RAC1: variants seen among roughly 807,000 people sequenced by gnomAD.
The protein encoded by RAC1 is ras-related C3 botulinum toxin substrate 1.
Under a neutral mutation model 25.2 loss-of-function variants are expected in RAC1, and 2 were observed. The ratio of observed to expected loss-of-function variants is 0.08; its 90% CI spans 0.03 to 0.25. The LOEUF (loss-of-function observed/expected upper bound fraction) is 0.25. RAC1 is among the 10% of genes least tolerant of loss of function. The probability of loss-of-function intolerance (pLI) is 1.00; values close to 1 mark genes in which losing one functional copy is unlikely to be tolerated. For missense variants in RAC1, 50 were observed against 235.7 expected, an observed-to-expected ratio of 0.21 and a Z score of 5.16; for synonymous variants, 88 against 94.0, an observed-to-expected ratio of 0.94 and a Z score of 0.37.
At chr7:6,397,679 G>C (rs1424408096) in intron 3 of RAC1, among the ~76,000 whole-genome samples, 1 of 152,150 alleles carries the variant, frequency 6.6e-6, no homozygotes, top group African/African-American at 2.4e-5. Flanking sequence ...ATAAACACTG[G>C]AAGTGTCACT....
At chr7:6,377,971 A>G (rs1316803492) in intron 1 of RAC1, among the ~76,000 whole-genome samples, 1 of 152,094 alleles carries the variant, frequency 6.6e-6, no homozygotes, top group Admixed American at 6.6e-5. Flanking sequence ...TGCCTGGACC[A>G]TGGCAGTGTC....
intron 2 of RAC1, among the ~76,000 whole-genome samples, chr7:6,390,548 C>T (rs1342664026): frequency 1.3e-5 from 2 of 150,910 alleles, no homozygotes; most frequent in East Asian, 2.0e-4. Flanking sequence ...TGCAGTGAGC[C>T]GAGATCGCAC....
intron 2 of RAC1, chr7:6,391,372 T>C (rs1783088355): frequency 1.3e-5 from 2 of 153,370 alleles, no homozygotes; most frequent in African/African-American, 4.8e-5. Context: ...CCTGACTAAT[T>C]TGTGTAGCAA....
At chr7:6,381,306 G>A (rs1221446335) in intron 1 of RAC1, among the ~76,000 whole-genome samples, 1 of 151,876 alleles carries the variant, frequency 6.6e-6, no homozygotes, top group Non-Finnish European at 1.5e-5. Flanking sequence ...CTTCAGCTCA[G>A]TTGTACATAG....
At chr7:6,391,888 A>G in intron 2 of RAC1, 36 bp from the exon 3 acceptor site, 1 of 1,613,730 alleles carries the variant, frequency 6.2e-7, no homozygotes, top group Non-Finnish European at 8.5e-7. Flanking sequence ...CTTAGCTTCT[A>G]CACCTGTGAC....
chr7:6,399,072 C>G (rs377441056), intron 3 of RAC1, among the ~76,000 whole-genome samples: 8 of 151,972 alleles, frequency 5.3e-5, no homozygotes, highest in African/African-American at 1.7e-4. Flanking sequence ...CCGGGGCCTT[C>G]TTTCTCCGCT....
chr7:6,396,095 G>C (rs190673975), intron 3 of RAC1, among the ~76,000 whole-genome samples: 1 of 152,172 alleles, frequency 6.6e-6, no homozygotes. Flanking sequence ...TAACAGGCAC[G>C]CGGGAGTCTG....
intron 3 of RAC1, among the ~76,000 whole-genome samples, chr7:6,393,541 C>T (rs1291407311): frequency 6.6e-6 from 1 of 152,122 alleles, no homozygotes; most frequent in Non-Finnish European, 1.5e-5. Flanking sequence ...GAGGAACACA[C>T]AGATAAGGAA....
intron 1 of RAC1, among the ~76,000 whole-genome samples, chr7:6,376,557 C>T (rs1440492197): frequency 7.0e-6 from 1 of 143,724 alleles, no homozygotes; most frequent in African/African-American, 2.6e-5. Flanking sequence ...GGCTGGAGTG[C>T]AATGGCGCGA....
At chr7:6,381,390 CTTT>C (rs71008386) in intron 1 of RAC1, among the ~76,000 whole-genome samples, 84 of 132,248 alleles carry the variant, frequency 6.4e-4, no homozygotes, top group South Asian at 9.5e-4. Context: ...TAATTGCTGG[CTTT>C]TTTTTTTTTT....
chr7:6,390,976 A>G (rs1783076448), intron 2 of RAC1, among the ~76,000 whole-genome samples: 1 of 152,086 alleles, frequency 6.6e-6, no homozygotes, highest in Non-Finnish European at 1.5e-5. Context: ...GGCCCACTGC[A>G]ACCTCTGCTT....
At chr7:6,397,221 A>T (rs1172960639) in intron 3 of RAC1, among the ~76,000 whole-genome samples, 1 of 142,840 alleles carries the variant, frequency 7.0e-6, no homozygotes, top group African/African-American at 2.6e-5. Context: ...AGCCTGGGCG[A>T]CAGAGCGAGA....
intron 1 of RAC1, among the ~76,000 whole-genome samples, chr7:6,384,849 C>T (rs1782878384): frequency 1.3e-5 from 2 of 152,138 alleles, no homozygotes; most frequent in Non-Finnish European, 2.9e-5. Flanking sequence ...GTCCCTCAGA[C>T]TGGATGCACT....
At chr7:6,400,048 A>G in intron 3 of RAC1, 78 bp from the exon 4 acceptor site, 1 of 1,305,910 alleles carries the variant, frequency 7.7e-7, no homozygotes, top group Non-Finnish European at 1.1e-6. Context: ...AGTCCTTCCC[A>G]GCAACATGTA....
chr7:6,398,600 A>G lies in RAC1; in HGVS notation c.226-1526A>G, dbSNP rs189980475. ...TCTAATAAAGAATCGATAAGAGGTT[A>G]TATTGATTTTTGTTGTCCTCAGTCT... On this transcript the variant is annotated intron_variant, in intron 3 of 5. Transcript: ENST00000348035. 184 of 1,374,002 alleles carry G rather than the reference A, an allele frequency of 1.3e-4. 1 individual carries two copies. The East Asian group carries it at 2.9e-3, about 21-fold the overall frequency. The allele number at this position is 1,374,002 out of a possible 1,614,324, so 85.1% of individuals were successfully genotyped here. A position where few individuals can be genotyped will look rare whatever the true frequency, so the allele number is the denominator to read the frequency against.
rs1403317750 is a variant in RAC1 at position 6,403,702 on chromosome 7, C to T, written c.*1256C>T. On this transcript the variant is annotated 3_prime_UTR_variant, in exon 6 of 6. Transcript: ENST00000348035. ...TGACCAATACTGACCCTCTTTACCT[C>T]GCCCACGCGGACACACGCCTCCTGT... 9 of 208,344 alleles carry T rather than the reference C, an allele frequency of 4.3e-5. No individual in the cohort carries two copies. The highest frequency in any genetic ancestry group is 5.9e-5 in the Non-Finnish European group (6 of 102,266). The allele number at this position is 208,344 out of a possible 1,614,324, so 12.9% of individuals were successfully genotyped here. A position where few individuals can be genotyped will look rare whatever the true frequency, so the allele number is the denominator to read the frequency against.
At chr7:6,375,189 T>A (rs1782546047) in intron 1 of RAC1, among the ~76,000 whole-genome samples, 1 of 151,992 alleles carries the variant, frequency 6.6e-6, no homozygotes, top group Non-Finnish European at 1.5e-5. Flanking sequence ...AACGCGGCGG[T>A]CAAGTCGATC....
intron 2 of RAC1, among the ~76,000 whole-genome samples, chr7:6,388,015 C>T (rs908696395): frequency 5.9e-5 from 9 of 152,060 alleles, no homozygotes; most frequent in Non-Finnish European, 8.8e-5. Context: ...GTTACATGTC[C>T]GCATTGAGGT....
At chr7:6,381,847 T>C (rs1053268112) in intron 1 of RAC1, among the ~76,000 whole-genome samples, 32 of 152,224 alleles carry the variant, frequency 2.1e-4, no homozygotes, top group African/African-American at 7.2e-4. Flanking sequence ...CGCAGTTATA[T>C]ATAAGGCCTA....
Sources: allele counts gnomAD v4.1 joint callset (sites outside exome capture counted in the v4.1 genomes callset), GRCh38; gene constraint gnomAD v4.1.1; transcripts MANE v1.5; gene names NCBI Gene and HGNC (gene_info 2026-07-23, HGNC 2026-07-21).